Variants in RAB27B observed in about 807,000 individuals in gnomAD.
RAB27B encodes ras-related protein Rab-27B.
A neutral mutation model predicts 24.6 loss-of-function variants in RAB27B; 15 were observed. That is an observed-to-expected ratio of 0.61 (90% CI 0.41 to 0.94). RAB27B has a LOEUF of 0.94. RAB27B is among the 40% of genes least tolerant of loss of function. The pLI is 0.00. For synonymous variants in RAB27B, 105 were observed against 92.5 expected (o/e 1.14, Z -0.78); for missense variants, 261 against 266.8 (o/e 0.98, Z 0.15).
intron 1 of RAB27B, among the ~76,000 whole-genome samples, chr18:54,863,916 A>G (rs1912107549): frequency 6.6e-6 from 1 of 152,198 alleles, no homozygotes; most frequent in Non-Finnish European, 1.5e-5. Flanking sequence ...CATTCAGTGG[A>G]TGGACATTTG....
At chr18:54,791,921 C>A (rs1461018946) in intron 2 of RAB27B, among the ~76,000 whole-genome samples, 3 of 152,178 alleles carry the variant, frequency 2.0e-5, no homozygotes, top group Non-Finnish European at 2.9e-5. Flanking sequence ...GGCCGCCAAG[C>A]TGCCCAACTC....
At chr18:54,733,343 C>T (rs1418384437) in intron 2 of RAB27B, among the ~76,000 whole-genome samples, 1 of 152,162 alleles carries the variant, frequency 6.6e-6, no homozygotes, top group African/African-American at 2.4e-5. Context: ...CCACCATACC[C>T]AGCTGTAAAT....
Position 54,889,278 on chromosome 18 carries a change from A to C in RAB27B, c.522A>C (p.Val174=), listed in dbSNP as rs1407827921. The change falls in exon 6 of 6, where the codon GTA becomes GTC. Residue 174 remains valine (V), a synonymous_variant. Transcript: ENST00000262094. ...AATGQNVEKA[V]ETLLDLIMKR... The stretch of plus-strand genomic sequence containing the variant: ...CTGGACAGAATGTGGAGAAAGCTGT[A>C]GAAACCCTTTTGGACTTAATCATGA... 1 of 1,613,290 alleles carries C rather than the reference A, an allele frequency of 6.2e-7. No homozygotes were observed. The highest frequency in any genetic ancestry group is 1.3e-5 in the African/African-American group (1 of 74,884).
intron 1 of RAB27B, among the ~76,000 whole-genome samples, chr18:54,874,003 T>C (rs1190244214): frequency 6.6e-6 from 1 of 152,156 alleles, no homozygotes; most frequent in African/African-American, 2.4e-5. Context: ...TGGAATTGAT[T>C]TGTGTTAGCC....
rs530923723 is a variant in RAB27B at position 54,792,213 on chromosome 18, G to T, written c.-20+74072G>T. Among the ~76,000 whole-genome samples, 3 of 152,240 alleles carry T rather than the reference G, an allele frequency of 2.0e-5. No homozygotes were observed. The East Asian group carries it at 5.8e-4, about 29-fold the overall frequency. ...CACCCCTAGGCACTGCCGTGAGGTC[G>T]GAGCCCCATAGCCTGCCTGTCTGTG... On this transcript the variant is annotated intron_variant, in intron 2 of 4. Coordinates refer to the RAB27B transcript ENST00000586570.
intron 2 of RAB27B, among the ~76,000 whole-genome samples, chr18:54,762,389 C>T (rs1174632960): frequency 3.3e-5 from 5 of 152,034 alleles, no homozygotes; most frequent in East Asian, 1.9e-4. Context: ...GAGGTTTCAC[C>T]GTGTTGGCCA....
chr18:54,750,524 A>G (rs1907798784), intron 2 of RAB27B, among the ~76,000 whole-genome samples: 1 of 151,768 alleles, frequency 6.6e-6, no homozygotes, highest in Non-Finnish European at 1.5e-5. Flanking sequence ...CCAGCCTTTG[A>G]CAGCTCTCCC....
chr18:54,727,517 T>C (rs191903726), intron 2 of RAB27B, among the ~76,000 whole-genome samples: 14 of 152,310 alleles, frequency 9.2e-5, no homozygotes, highest in Middle Eastern at 3.4e-3. Flanking sequence ...GCTTCAGTTC[T>C]GGTAGTGGGG....
At chr18:54,785,197 G>T (rs1315705562) in intron 2 of RAB27B, among the ~76,000 whole-genome samples, 5 of 152,066 alleles carry the variant, frequency 3.3e-5, no homozygotes, top group Non-Finnish European at 7.3e-5. Context: ...CGCCTCCCAG[G>T]TTCAAGCGAT....
chr18:54,868,852 A>G (rs1233426830), intron 1 of RAB27B, among the ~76,000 whole-genome samples: 1 of 152,064 alleles, frequency 6.6e-6, no homozygotes, highest in Non-Finnish European at 1.5e-5. Context: ...GTCACCAACT[A>G]AACTCTCTGT....
rs1268155860 is a variant in RAB27B at position 54,841,157 on chromosome 18, G to GCGGA, written c.-20+12457_-20+12458insCGGA. On this transcript the variant is annotated intron_variant, in intron 1 of 5. Coordinates refer to ENST00000262094, the MANE Select transcript of RAB27B (RefSeq NM_004163.4). ...GAAAGACTCTGTCTTTGGGTGGCGG[G>GCGGA]GCGGTGGGGGGTTTGGTGAGAGGGG... Among the ~76,000 whole-genome samples, 2 of 128,194 alleles carry GCGGA rather than the reference G, an allele frequency of 1.6e-5. 1 individual carries two copies. The allele number at this position is 128,194 out of a possible 152,430, so 84.1% of individuals were successfully genotyped here.
At chr18:54,880,844 G>C (rs7231858) in intron 3 of RAB27B, 147,961 of 152,228 alleles carry the variant, frequency 0.97, 72,071 homozygotes, top group East Asian at 1. Flanking sequence ...CTCAGGGCAG[G>C]CTTCAGAACA....
chr18:54,848,191 C>T (rs756409017), intron 1 of RAB27B, among the ~76,000 whole-genome samples: 3 of 152,170 alleles, frequency 2.0e-5, no homozygotes, highest in African/African-American at 4.8e-5. Context: ...ACAGAGAAAC[C>T]TTTAGGCTGA....
intron 1 of RAB27B, among the ~76,000 whole-genome samples, chr18:54,861,807 G>A (rs771379926): frequency 6.6e-6 from 1 of 152,168 alleles, no homozygotes; most frequent in Non-Finnish European, 1.5e-5. Context: ...GAACCACTGA[G>A]TTAGGAAAAC....
At position 54,891,742 on chromosome 18, in the gene RAB27B, T is replaced by C. The variant is rs1225891433; in HGVS notation, c.*2329T>C. 6.6e-6 allele frequency: 1 copy of C among 152,118 alleles called. No individual in the cohort carries two copies. Among genetic ancestry groups the C allele is most frequent in the African/African-American group, 2.4e-5 (1 of 41,434 alleles). The allele number at this position is 152,118 out of a possible 1,614,324, so 9.4% of individuals were successfully genotyped here. On this transcript the variant is annotated 3_prime_UTR_variant, in exon 6 of 6. Coordinates refer to ENST00000262094, the MANE Select transcript of RAB27B (RefSeq NM_004163.4). ...ACTGTCAGTTATTTAATGAGTGTTT[T>C]TTCAGGGTCTGTTTTAAGATCATTA...
intron 3 of RAB27B, among the ~76,000 whole-genome samples, chr18:54,881,764 A>C (rs33976189): frequency 0.26 from 39,498 of 152,058 alleles, 5,805 homozygotes; most frequent in East Asian, 0.46. Context: ...AGAATAGAGC[A>C]AGATGTCTGT....
At chr18:54,874,983 A>C (rs980001014) in intron 1 of RAB27B, among the ~76,000 whole-genome samples, 2 of 152,300 alleles carry the variant, frequency 1.3e-5, no homozygotes, top group South Asian at 2.1e-4. Flanking sequence ...AAGAGCAGCA[A>C]CTAAGAATAA....
intron 2 of RAB27B, among the ~76,000 whole-genome samples, chr18:54,776,368 T>C (rs1268139842): frequency 1.3e-5 from 2 of 152,224 alleles, no homozygotes; most frequent in African/African-American, 2.4e-5. Context: ...CTGATTCATA[T>C]TGAGTATTAC....
chr18:54,823,022 G>A (rs1910360885), intron 2 of RAB27B, among the ~76,000 whole-genome samples: 1 of 152,232 alleles, frequency 6.6e-6, no homozygotes, highest in African/African-American at 2.4e-5. Flanking sequence ...GAACTGGGAA[G>A]GTTAAGACCT....
Sources: allele counts gnomAD v4.1 joint callset (sites outside exome capture counted in the v4.1 genomes callset), GRCh38; gene constraint gnomAD v4.1.1; transcripts MANE v1.5; gene names NCBI Gene and HGNC (gene_info 2026-07-23, HGNC 2026-07-21).